ARHGAP15: variants seen among roughly 807,000 people sequenced by gnomAD.
ARHGAP15 encodes the protein Rho GTPase activating protein 15.
Under a neutral mutation model 63.7 loss-of-function variants are expected in ARHGAP15, and 51 were observed. The ratio of observed to expected loss-of-function variants is 0.80; its 90% CI spans 0.64 to 1.01. The LOEUF (loss-of-function observed/expected upper bound fraction) is 1.01. Among genes scored for constraint, ARHGAP15 ranks in the 50% least tolerant of loss-of-function variants. ARHGAP15 has a pLI of 0.00. For synonymous variants in ARHGAP15, 191 were observed against 193.8 expected, an observed-to-expected ratio of 0.99 and a Z score of 0.12; for missense variants, 560 against 564.6, an observed-to-expected ratio of 0.99 and a Z score of 0.08.
intron 8 of ARHGAP15, among the ~76,000 whole-genome samples, chr2:143,465,073 T>C (rs1349569132): frequency 6.6e-6 from 1 of 152,196 alleles, no homozygotes; most frequent in African/African-American, 2.4e-5. Context: ...AATGTTTCTA[T>C]TATTCCTCCC....
At chr2:143,655,327 A>G (rs1341702531) in intron 12 of ARHGAP15, among the ~76,000 whole-genome samples, 1 of 151,966 alleles carries the variant, frequency 6.6e-6, no homozygotes, top group Non-Finnish European at 1.5e-5. Context: ...GCATTTTTCA[A>G]TGAGGAAGTA....
chr2:143,517,836 A>G (rs1693887796), intron 9 of ARHGAP15, among the ~76,000 whole-genome samples: 1 of 152,326 alleles, frequency 6.6e-6, no homozygotes, highest in African/African-American at 2.4e-5. Context: ...AAGAAAATGC[A>G]AAGTCCCTGC....
intron 12 of ARHGAP15, among the ~76,000 whole-genome samples, chr2:143,677,358 A>G (rs971952971): frequency 2.0e-5 from 3 of 152,184 alleles, no homozygotes; most frequent in Non-Finnish European, 4.4e-5. Context: ...GAATAAAACA[A>G]GACTCCTTGG....
intron 11 of ARHGAP15, among the ~76,000 whole-genome samples, chr2:143,582,664 G>A (rs963447077): frequency 6.6e-6 from 1 of 152,158 alleles, no homozygotes; most frequent in Non-Finnish European, 1.5e-5. Flanking sequence ...GGGAACAGTA[G>A]AACTAAAAGA....
intron 6 of ARHGAP15, among the ~76,000 whole-genome samples, chr2:143,427,233 C>A: frequency 6.6e-6 from 1 of 152,206 alleles, no homozygotes; most frequent in East Asian, 1.9e-4. Flanking sequence ...ACTCTCAGTA[C>A]TTATTAATAG....
At chr2:143,301,037 T>G (rs1558876346) in intron 6 of ARHGAP15, among the ~76,000 whole-genome samples, 1 of 151,926 alleles carries the variant, frequency 6.6e-6, no homozygotes, top group Non-Finnish European at 1.5e-5. Context: ...ATGCCCTTAG[T>G]TTTTTTACCA....
chr2:143,594,465 G>A (rs1697436639), intron 11 of ARHGAP15, among the ~76,000 whole-genome samples: 1 of 152,126 alleles, frequency 6.6e-6, no homozygotes, highest in African/African-American at 2.4e-5. Flanking sequence ...CTTTTTATTG[G>A]AAAATGACAA....
chr2:143,321,017 G>A (rs1683994585), intron 6 of ARHGAP15, among the ~76,000 whole-genome samples: 1 of 152,086 alleles, frequency 6.6e-6, no homozygotes, highest in East Asian at 1.9e-4. Context: ...CTTCCTATGG[G>A]GGGATTCACA....
chr2:143,250,646 C>A, intron 6 of ARHGAP15, 46 bp downstream of exon 6: 1 of 1,506,816 alleles, frequency 6.6e-7, no homozygotes, highest in South Asian at 1.1e-5. Flanking sequence ...CTCTCTAAAT[C>A]TGAGCTCTCT....
At chr2:143,537,878 A>C (rs1211594989) in intron 10 of ARHGAP15, among the ~76,000 whole-genome samples, 1 of 151,766 alleles carries the variant, frequency 6.6e-6, no homozygotes, top group Non-Finnish European at 1.5e-5. Flanking sequence ...TTTTGGTTCC[A>C]TATGAACTTT....
intron 4 of ARHGAP15, among the ~76,000 whole-genome samples, chr2:143,217,736 T>C: frequency 6.6e-6 from 1 of 152,142 alleles, no homozygotes; most frequent in Non-Finnish European, 1.5e-5. Flanking sequence ...GGTACAATGA[T>C]GCCTCTCCCC....
chr2:143,742,078 T>C (rs896773626), intron 13 of ARHGAP15, among the ~76,000 whole-genome samples: 3 of 152,192 alleles, frequency 2.0e-5, no homozygotes, highest in African/African-American at 7.2e-5. Context: ...TTCTTTTTTA[T>C]TATTGACCAT....
chr2:143,438,703 T>A (rs1337749150), intron 8 of ARHGAP15, among the ~76,000 whole-genome samples: 1 of 152,258 alleles, frequency 6.6e-6, no homozygotes, highest in African/African-American at 2.4e-5. Context: ...AAAGAATGTT[T>A]TCCTTTCATG....
At chr2:143,664,016 C>T (rs1474987517) in intron 12 of ARHGAP15, among the ~76,000 whole-genome samples, 1 of 150,856 alleles carries the variant, frequency 6.6e-6, no homozygotes, top group Non-Finnish European at 1.5e-5. Flanking sequence ...GACAGAAAGT[C>T]AACAAGGATA....
At chr2:143,419,530 G>T (rs1688825962) in intron 6 of ARHGAP15, among the ~76,000 whole-genome samples, 1 of 151,686 alleles carries the variant, frequency 6.6e-6, no homozygotes. Context: ...AAAATGTTAG[G>T]AAGTCATTAA....
intron 12 of ARHGAP15, among the ~76,000 whole-genome samples, chr2:143,633,524 A>G (rs930841128): frequency 2.6e-5 from 4 of 152,098 alleles, no homozygotes; most frequent in African/African-American, 9.7e-5. Flanking sequence ...GCCTTTCCTG[A>G]AAACTTTTAT....
chr2:143,428,971 C>T (rs556391895), intron 6 of ARHGAP15, among the ~76,000 whole-genome samples: 2 of 152,108 alleles, frequency 1.3e-5, no homozygotes, highest in African/African-American at 4.8e-5. Flanking sequence ...TACACCCCCC[C>T]AGTTTAAAAA....
At chr2:143,413,775 A>G (rs1007829756) in intron 6 of ARHGAP15, among the ~76,000 whole-genome samples, 17 of 152,084 alleles carry the variant, frequency 1.1e-4, no homozygotes, top group African/African-American at 3.9e-4. Flanking sequence ...CAACCAGCGT[A>G]CTCATAGCTT....
At chr2:143,428,669 G>C (rs1166701970) in intron 6 of ARHGAP15, among the ~76,000 whole-genome samples, 1 of 152,030 alleles carries the variant, frequency 6.6e-6, no homozygotes, top group East Asian at 1.9e-4. Context: ...GGTCAAAAAG[G>C]TATGTAGAAA....
Sources: gnomAD v4.1 joint callset for allele counts (sites outside exome capture counted in the v4.1 genomes callset) on GRCh38, gnomAD v4.1.1 for gene constraint, MANE v1.5 for transcripts, NCBI Gene and HGNC (gene_info 2026-07-23, HGNC 2026-07-21) for gene names.